KCNG4: variants seen among roughly 807,000 people sequenced by gnomAD.
KCNG4 encodes the protein potassium voltage-gated channel modifier subfamily G member 4.
A neutral mutation model predicts 28.2 loss-of-function variants in KCNG4; 30 were observed. That is an observed-to-expected ratio of 1.06 (90% confidence interval 0.80 to 1.44). KCNG4 has a LOEUF of 1.44. Ranked by LOEUF, KCNG4 falls within the 40% of genes most tolerant of loss-of-function variation. The pLI, the probability that KCNG4 is intolerant of heterozygous loss-of-function variation, is 0.00. For synonymous variants in KCNG4, 375 were observed against 315.5 expected, an observed-to-expected ratio of 1.19 and a Z score of -2.00; for missense variants, 879 against 712.3, an observed-to-expected ratio of 1.23 and a Z score of -2.66.
intron 1 of KCNG4, among the ~76,000 whole-genome samples, chr16:84,238,970 C>A (rs244819): frequency 0.34 from 52,120 of 152,068 alleles, 10,163 homozygotes; most frequent in East Asian, 0.6. Context: ...GATTTAGCCA[C>A]TTCACATATT....
chr16:84,235,437 G>A (rs750860585), intron 2 of KCNG4: 1 of 152,058 alleles, frequency 6.6e-6, no homozygotes, highest in African/African-American at 2.4e-5. Flanking sequence ...TTTTTATGCT[G>A]TAGAATGAAA....
At chr16:84,236,573 G>C in intron 2 of KCNG4, 157 bp downstream of exon 2, 1 of 879,798 alleles carries the variant, frequency 1.1e-6, no homozygotes, top group Non-Finnish European at 1.7e-6. Context: ...TATCTTTTAT[G>C]ACTGATGGCC....
At chr16:84,231,920 T>G (rs1237996662) in intron 2 of KCNG4, among the ~76,000 whole-genome samples, 3 of 151,138 alleles carry the variant, frequency 2.0e-5, no homozygotes, top group Non-Finnish European at 4.4e-5. Flanking sequence ...AGGAGAATTG[T>G]TTGAACCCGG....
chr16:84,224,474 G>A (rs1238077085), intron 2 of KCNG4, among the ~76,000 whole-genome samples: 1 of 151,588 alleles, frequency 6.6e-6, no homozygotes, highest in Non-Finnish European at 1.5e-5. Flanking sequence ...TGGATGAATG[G>A]CCAAAGCAAC....
chr16:84,228,441 T>C (rs1203138858), intron 2 of KCNG4, among the ~76,000 whole-genome samples: 2 of 150,984 alleles, frequency 1.3e-5, no homozygotes, highest in East Asian at 4.0e-4. Context: ...GAGGCTCTCC[T>C]GGGGCCTGGA....
chr16:84,230,500 G>T (rs1253417721), intron 2 of KCNG4, among the ~76,000 whole-genome samples: 1 of 150,532 alleles, frequency 6.6e-6, no homozygotes, highest in Non-Finnish European at 1.5e-5. Context: ...TGAACCCGGG[G>T]GGCAGAGCTT....
chr16:84,239,269 A>G (rs924163673), intron 1 of KCNG4, among the ~76,000 whole-genome samples: 1 of 152,240 alleles, frequency 6.6e-6, no homozygotes, highest in Admixed American at 6.5e-5. Flanking sequence ...CTCACAGGGA[A>G]TGGCCAGAGG....
At chr16:84,230,760 T>C (rs1363583793) in intron 2 of KCNG4, among the ~76,000 whole-genome samples, 3 of 152,154 alleles carry the variant, frequency 2.0e-5, no homozygotes, top group Non-Finnish European at 4.4e-5. Context: ...TTGGTTGCCA[T>C]AGGGTGTGCA....
intron 2 of KCNG4, among the ~76,000 whole-genome samples, chr16:84,229,190 C>G (rs1014199984): frequency 6.6e-6 from 1 of 151,574 alleles, no homozygotes; most frequent in Non-Finnish European, 1.5e-5. Flanking sequence ...ATCCGTTACT[C>G]GGGAGGCTGA....
At chr16:84,234,680 C>T (rs958072343) in intron 2 of KCNG4, among the ~76,000 whole-genome samples, 4 of 152,146 alleles carry the variant, frequency 2.6e-5, no homozygotes, top group Non-Finnish European at 4.4e-5. Context: ...AATTCTTCAG[C>T]GTGGATGGTA....
chr16:84,222,111 C>G lies in KCNG4; in HGVS notation c.*106G>C, dbSNP rs1904575827. On this transcript the variant is annotated 3_prime_UTR_variant, in exon 3 of 3. Transcript: ENST00000308251. ...TGCCCCTCCAGCTTTGAAAGTCTTC[C>G]CTGGGCTCTAGAAACACCACCAGGT... 3.4e-5 allele frequency: 41 copies of G among 1,211,654 alleles called. No homozygotes were observed. Among genetic ancestry groups the G allele is most frequent in the Non-Finnish European group, 1.2e-6 (1 of 843,160 alleles). 75.1% of individuals were successfully genotyped at this position (1,211,654 alleles called of 1,614,324 possible).
chr16:84,238,652 C>T (rs1905034181), intron 1 of KCNG4, among the ~76,000 whole-genome samples: 1 of 152,148 alleles, frequency 6.6e-6, no homozygotes, highest in African/African-American at 2.4e-5. Flanking sequence ...GCAGGCAGAT[C>T]ATCTGAGGTC....
At chr16:84,223,713 G>T (rs1254806293) in intron 2 of KCNG4, among the ~76,000 whole-genome samples, 1 of 152,084 alleles carries the variant, frequency 6.6e-6, no homozygotes, top group Non-Finnish European at 1.5e-5. Context: ...GCGGTACCAG[G>T]GTCTCTTAGA....
At chr16:84,236,514 G>A (rs1236723046) in intron 2 of KCNG4, 3 of 636,690 alleles carry the variant, frequency 4.7e-6, no homozygotes, top group African/African-American at 1.8e-5. Context: ...TGAGCCTTAG[G>A]CACTTTTGCC....
intron 2 of KCNG4, among the ~76,000 whole-genome samples, chr16:84,233,009 A>G (rs1904862856): frequency 1.3e-5 from 2 of 152,138 alleles, no homozygotes; most frequent in African/African-American, 4.8e-5. Context: ...TAGGCAGTCA[A>G]TGACTGTTGT....
intron 2 of KCNG4, among the ~76,000 whole-genome samples, chr16:84,234,023 G>C (rs1009971162): frequency 6.6e-6 from 1 of 152,178 alleles, no homozygotes; most frequent in African/African-American, 2.4e-5. Flanking sequence ...TGAAATGCCA[G>C]CCTCACGAGC....
In KCNG4 at chr16:84,218,844, G is replaced by C. The variant is rs1004207185; in HGVS notation, c.*3373C>G. On this transcript the variant is annotated 3_prime_UTR_variant, in exon 3 of 3. Transcript: ENST00000308251. The stretch of plus-strand genomic sequence containing the variant: ...GATTTTAAATGTTTCTTTTAGTGCT[G>C]GCACACTTTGGTGAAGAGGTCTGGT... 2 of 152,218 alleles carry C rather than the reference G, an allele frequency of 1.3e-5. No individual in the cohort carries two copies. The highest frequency in any genetic ancestry group is 4.8e-5 in the African/African-American group (2 of 41,442). 9.4% of individuals were successfully genotyped at this position (152,218 alleles called of 1,614,324 possible).
At chr16:84,224,426 A>ACACACACC (rs1904652542) in intron 2 of KCNG4, among the ~76,000 whole-genome samples, 1 of 152,128 alleles carries the variant, frequency 6.6e-6, no homozygotes, top group Non-Finnish European at 1.5e-5. Flanking sequence ...ACACACACAC[A>ACACACACC]CACACACACA....
intron 2 of KCNG4, among the ~76,000 whole-genome samples, chr16:84,233,889 C>T (rs151043148): frequency 3.5e-4 from 54 of 152,252 alleles, no homozygotes; most frequent in African/African-American, 1.2e-3. Flanking sequence ...CTTAGCTCTG[C>T]CTTACTGTGA....
Sources: gnomAD v4.1 joint callset for allele counts (sites outside exome capture counted in the v4.1 genomes callset) on GRCh38, gnomAD v4.1.1 for gene constraint, MANE v1.5 for transcripts, NCBI Gene and HGNC (gene_info 2026-07-23, HGNC 2026-07-21) for gene names.